The following RIMS2 variants were observed in gnomAD, a reference collection of about 807,000 sequenced individuals.
RIMS2 encodes regulating synaptic membrane exocytosis protein 2.
RIMS2 carries 59 observed loss-of-function variants against 174.4 expected under a neutral mutation model. The observed-to-expected ratio is 0.34, with a 90% CI of 0.27 to 0.42. The LOEUF (loss-of-function observed/expected upper bound fraction) is 0.42, where lower values mean the gene tolerates loss of function less well. RIMS2 is among the 10% of genes least tolerant of loss of function. The pLI, the probability that RIMS2 is intolerant of heterozygous loss-of-function variation, is 1.00. For synonymous variants in RIMS2, 606 were observed against 572.5 expected, an observed-to-expected ratio of 1.06 and a Z score of -0.84; for missense variants, 1,620 against 1,666.3, an observed-to-expected ratio of 0.97 and a Z score of 0.48.
chr8:104,013,274 TAAC>T (rs2095813871), intron 17 of RIMS2, among the ~76,000 whole-genome samples, 165 bp from the exon 20 acceptor site: 2 of 152,320 alleles, frequency 1.3e-5, no homozygotes, highest in Middle Eastern at 3.4e-3. Context: ...TAGAAATTCT[TAAC>T]AAGTTTCGTT....
At chr8:104,063,242 A>T (rs2097037668) in intron 19 of RIMS2, among the ~76,000 whole-genome samples, 1 of 152,032 alleles carries the variant, frequency 6.6e-6, no homozygotes, top group South Asian at 2.1e-4. Flanking sequence ...AATAAGTTTA[A>T]TTATAAAGTG....
At chr8:103,640,464 T>C (rs1221914745) in intron 1 of RIMS2, among the ~76,000 whole-genome samples, 2 of 152,034 alleles carry the variant, frequency 1.3e-5, no homozygotes, top group Admixed American at 1.3e-4. Context: ...GAAGCTTTAT[T>C]AATTGTAGAT....
At chr8:104,167,903 C>A (rs565136326) in intron 19 of RIMS2, among the ~76,000 whole-genome samples, 30 of 152,246 alleles carry the variant, frequency 2.0e-4, no homozygotes, top group African/African-American at 7.0e-4. Flanking sequence ...GTTTTTCCAG[C>A]ACCATTTATT....
intron 19 of RIMS2, among the ~76,000 whole-genome samples, chr8:104,092,513 A>G (rs918086602): frequency 8.6e-5 from 13 of 151,944 alleles, no homozygotes; most frequent in Non-Finnish European, 1.6e-4. Context: ...GTAATAATGC[A>G]GTAATAATAC....
intron 19 of RIMS2, among the ~76,000 whole-genome samples, chr8:104,032,097 A>G (rs544789568): frequency 2.0e-5 from 3 of 152,250 alleles, no homozygotes; most frequent in African/African-American, 7.2e-5. Flanking sequence ...ACTTTAATGC[A>G]GAGGTACTTG....
At chr8:103,738,135 T>C (rs2097710667) in intron 2 of RIMS2, among the ~76,000 whole-genome samples, 1 of 152,138 alleles carries the variant, frequency 6.6e-6, no homozygotes. Flanking sequence ...TTGAATGAAA[T>C]AGATATTTCC....
At chr8:103,677,625 C>T (rs2096831687) in intron 1 of RIMS2, among the ~76,000 whole-genome samples, 1 of 152,134 alleles carries the variant, frequency 6.6e-6, no homozygotes, top group Non-Finnish European at 1.5e-5. Context: ...CCCAATGCTC[C>T]TGGGGCTCAC....
At chr8:104,237,184 T>C (rs1364817599) in intron 19 of RIMS2, among the ~76,000 whole-genome samples, 14 of 152,194 alleles carry the variant, frequency 9.2e-5, no homozygotes, top group Non-Finnish European at 8.8e-5. Context: ...AACAGAGCTG[T>C]ATTCAAAATG....
At chr8:103,629,977 A>G (rs1468127208) in intron 1 of RIMS2, among the ~76,000 whole-genome samples, 1 of 152,040 alleles carries the variant, frequency 6.6e-6, no homozygotes, top group Non-Finnish European at 1.5e-5. Flanking sequence ...GAAAAAAAGA[A>G]CAGTACAAAA....
chr8:103,627,403 A>G (rs1007955943), intron 1 of RIMS2, among the ~76,000 whole-genome samples: 1 of 152,152 alleles, frequency 6.6e-6, no homozygotes, highest in East Asian at 1.9e-4. Context: ...CATTTGTACA[A>G]TAGTGGTCCT....
intron 8 of RIMS2, among the ~76,000 whole-genome samples, chr8:103,916,825 A>C (rs978032384): frequency 1.3e-5 from 2 of 152,126 alleles, no homozygotes; most frequent in Admixed American, 1.3e-4. Context: ...TAGTAGGGGA[A>C]GGAGACTATA....
At chr8:103,951,480 C>T (rs374034729) in intron 14 of RIMS2, among the ~76,000 whole-genome samples, 8 of 152,284 alleles carry the variant, frequency 5.3e-5, no homozygotes, top group East Asian at 1.9e-4. Context: ...CAGGATGGGG[C>T]GTTGCCTCAC....
rs188358446 is a variant in RIMS2 at position 103,987,146 on chromosome 8, A to G, written c.2928-2159A>G. On this transcript the variant is annotated intron_variant, in intron 16 of 23. Coordinates refer to ENST00000504942, the Ensembl canonical transcript of RIMS2. ...TAATTCTTAGAGTATAATAAAATAT[A>G]TATGTATTCCTTTTTCATTTTTTTT... 2.0e-3 allele frequency among the ~76,000 whole-genome samples: 301 copies of G among 152,140 alleles called. 1 individual carries two copies. Among genetic ancestry groups the G allele is most frequent in the Non-Finnish European group, 2.1e-3 (144 of 67,990 alleles).
chr8:103,600,001 A>AT (rs1157979734), intron 1 of RIMS2, among the ~76,000 whole-genome samples: 4 of 152,088 alleles, frequency 2.6e-5, no homozygotes, highest in Non-Finnish European at 4.4e-5. Flanking sequence ...CTTTCAAACT[A>AT]TTTTTTGTGT....
chr8:103,504,640 G>A (rs996755861), intron 1 of RIMS2, among the ~76,000 whole-genome samples: 1 of 152,060 alleles, frequency 6.6e-6, no homozygotes, highest in Non-Finnish European at 1.5e-5. Context: ...TTCTGTTAAA[G>A]GGTTAATTTG....
At chr8:104,173,295 A>G (rs2098842682) in intron 19 of RIMS2, among the ~76,000 whole-genome samples, 1 of 152,150 alleles carries the variant, frequency 6.6e-6, no homozygotes, top group Non-Finnish European at 1.5e-5. Context: ...CTCTTGTTTC[A>G]TACCTGTTAC....
intron 19 of RIMS2, among the ~76,000 whole-genome samples, chr8:104,199,938 A>G (rs1460198675): frequency 6.6e-6 from 1 of 152,188 alleles, no homozygotes; most frequent in Non-Finnish European, 1.5e-5. Context: ...ACTTGGGGAA[A>G]GGAGGTAGGG....
intron 19 of RIMS2, among the ~76,000 whole-genome samples, chr8:104,241,774 T>C (rs1457674074): frequency 6.6e-6 from 1 of 151,844 alleles, no homozygotes; most frequent in South Asian, 2.1e-4. Flanking sequence ...GTTTGTTTGT[T>C]TTTGAGACAC....
chr8:103,565,284 G>A (rs1464901931), intron 1 of RIMS2, among the ~76,000 whole-genome samples: 1 of 151,744 alleles, frequency 6.6e-6, no homozygotes, highest in Non-Finnish European at 1.5e-5. Flanking sequence ...GGAGGGAGAA[G>A]GAAATCTGAT....
Sources: allele counts gnomAD v4.1 joint callset (sites outside exome capture counted in the v4.1 genomes callset), GRCh38; gene constraint gnomAD v4.1.1; transcripts MANE v1.5; gene names NCBI Gene and HGNC (gene_info 2026-07-23, HGNC 2026-07-21).